PLCXD3: variants seen among roughly 807,000 people sequenced by gnomAD.
PLCXD3 encodes PI-PLC X domain-containing protein 3.
In PLCXD3, 19 loss-of-function variants were observed where a neutral mutation model predicts 25.5. The ratio of observed to expected loss-of-function variants is 0.75; its 90% confidence interval spans 0.52 to 1.09. The LOEUF (loss-of-function observed/expected upper bound fraction) is 1.09. Among genes scored for constraint, PLCXD3 ranks in the 50% least tolerant of loss-of-function variants. The probability of loss-of-function intolerance (pLI) is 0.00; values close to 1 mark genes in which losing one functional copy is unlikely to be tolerated. For missense variants in PLCXD3, 411 were observed against 388.1 expected, an observed-to-expected ratio of 1.06 and a Z score of -0.50; for synonymous variants, 174 against 137.6, an observed-to-expected ratio of 1.26 and a Z score of -1.85.
chr5:41,336,476 T>G (rs1420387408), intron 2 of PLCXD3, among the ~76,000 whole-genome samples: 1 of 152,174 alleles, frequency 6.6e-6, no homozygotes, highest in Non-Finnish European at 1.5e-5. Context: ...GTAGTTACTT[T>G]CATTTTTTCT....
At chr5:41,473,331 T>C (rs1302764507) in intron 1 of PLCXD3, among the ~76,000 whole-genome samples, 1 of 152,154 alleles carries the variant, frequency 6.6e-6, no homozygotes, top group African/African-American at 2.4e-5. Flanking sequence ...TTCTCCCTCA[T>C]ACAAAGTGAT....
rs139645066 is a variant in PLCXD3, at chr5:41,507,603, GT to G, written c.103+2820del. On this transcript the variant is annotated intron_variant, in intron 1 of 2. Transcript: ENST00000377801. The stretch of plus-strand genomic sequence containing the variant: ...GGGGAATATCACACAGTTGCACATT[GT>G]TTTTTGCTGTAACTCTGGGCAATCT... Among the ~76,000 whole-genome samples, 530 of 152,298 alleles carry G rather than the reference GT, an allele frequency of 3.5e-3. 5 individuals are homozygous for G. Among genetic ancestry groups the G allele is most frequent in the African/African-American group, 0.011 (439 of 41,552 alleles).
At chr5:41,504,748 G>T (rs1245061023) in intron 1 of PLCXD3, among the ~76,000 whole-genome samples, 2 of 152,212 alleles carry the variant, frequency 1.3e-5, no homozygotes, top group Non-Finnish European at 2.9e-5. Flanking sequence ...AAACAGGAAA[G>T]AAGGAAAATG....
intron 1 of PLCXD3, among the ~76,000 whole-genome samples, chr5:41,458,108 A>T (rs1047654102): frequency 4.0e-5 from 6 of 151,870 alleles, no homozygotes; most frequent in African/African-American, 1.4e-4. Context: ...TTTAACCTGC[A>T]TGTGTTTTCC....
intron 1 of PLCXD3, among the ~76,000 whole-genome samples, chr5:41,476,817 A>G (rs1457176520): frequency 1.3e-5 from 2 of 152,230 alleles, no homozygotes; most frequent in African/African-American, 2.4e-5. Flanking sequence ...TACAGAAAAG[A>G]AAACTGAAGT....
chr5:41,476,245 C>T (rs7714031), intron 1 of PLCXD3, among the ~76,000 whole-genome samples: 9,710 of 152,234 alleles, frequency 0.064, 359 homozygotes, highest in South Asian at 0.16. Flanking sequence ...GTTTACATAG[C>T]AGGCCTGATT....
At chr5:41,378,644 T>G (rs1353612364) in intron 2 of PLCXD3, among the ~76,000 whole-genome samples, 4 of 152,136 alleles carry the variant, frequency 2.6e-5, no homozygotes, top group Non-Finnish European at 4.4e-5. Context: ...GAACAAAATT[T>G]AAGTGCTTGG....
rs1743086112 is a variant in PLCXD3, at chr5:41,310,018, G to GTT, written c.*3598_*3599insAA. 6.6e-6 allele frequency: 1 copy of GTT among 152,034 alleles called. No individual in the cohort carries two copies. The highest frequency in any genetic ancestry group is 1.5e-5 in the Non-Finnish European group (1 of 67,988). 9.4% of individuals were successfully genotyped at this position (152,034 alleles called of 1,614,324 possible). A position where few individuals can be genotyped will look rare whatever the true frequency, so the allele number is the denominator to read the frequency against. ...TGAAATGTGCATTCTGTGTGTGTGT[G>GTT]TAATGTGTGTATGTGCACATACAGG... On this transcript the variant is annotated 3_prime_UTR_variant, in exon 3 of 3. Transcript: ENST00000377801.
At chr5:41,406,653 T>C (rs1746360293) in intron 1 of PLCXD3, among the ~76,000 whole-genome samples, 1 of 152,084 alleles carries the variant, frequency 6.6e-6, no homozygotes, top group African/African-American at 2.4e-5. Flanking sequence ...TTCTCTTCCA[T>C]TCCATTGACA....
At chr5:41,352,564 C>G (rs1216763510) in intron 2 of PLCXD3, among the ~76,000 whole-genome samples, 1 of 152,168 alleles carries the variant, frequency 6.6e-6, no homozygotes, top group Non-Finnish European at 1.5e-5. Context: ...GCCTATTTTT[C>G]TGAATGTACT....
At chr5:41,439,731 G>A (rs2150511186) in intron 1 of PLCXD3, among the ~76,000 whole-genome samples, 1 of 152,162 alleles carries the variant, frequency 6.6e-6, no homozygotes, top group South Asian at 2.1e-4. Flanking sequence ...CCTGTTATAT[G>A]CAATGAAACT....
chr5:41,327,368 G>T (rs978511666), intron 2 of PLCXD3, among the ~76,000 whole-genome samples: 1 of 151,982 alleles, frequency 6.6e-6, no homozygotes, highest in South Asian at 2.1e-4. Context: ...ATAAAGGTTT[G>T]TCCAATTAAA....
intron 1 of PLCXD3, among the ~76,000 whole-genome samples, chr5:41,507,370 C>T (rs1749070072): frequency 6.6e-6 from 1 of 152,194 alleles, no homozygotes; most frequent in Non-Finnish European, 1.5e-5. Flanking sequence ...ATTGGAGTAA[C>T]TGTCAATGTG....
Position 41,345,763 on chromosome 5 carries a change from A to T in PLCXD3, c.813-31993T>A, listed in dbSNP as rs374700342. ...TCTAACTTTACAGATCCCAACTTTA[A>T]CTCATTTAACTCATGGTTAACTCCA... On this transcript the variant is annotated intron_variant, in intron 2 of 2. Transcript: ENST00000377801. Among the ~76,000 whole-genome samples the T allele has an allele frequency of 5.3e-5, 8 of 151,484 alleles. No individual in the cohort carries two copies. In the East Asian group the frequency reaches 1.6e-3, roughly 29 times the overall value.
chr5:41,479,461 T>C (rs568741057), intron 1 of PLCXD3, among the ~76,000 whole-genome samples: 17 of 152,288 alleles, frequency 1.1e-4, no homozygotes, highest in African/African-American at 4.1e-4. Flanking sequence ...CAGAATTGTA[T>C]GCCTAAAATC....
At chr5:41,489,249 G>C (rs1748594440) in intron 1 of PLCXD3, among the ~76,000 whole-genome samples, 1 of 152,254 alleles carries the variant, frequency 6.6e-6, no homozygotes, top group South Asian at 2.1e-4. Flanking sequence ...TAGATAAGCG[G>C]CATTATTTCT....
chr5:41,401,278 G>A (rs547450385), intron 1 of PLCXD3, among the ~76,000 whole-genome samples: 75 of 151,990 alleles, frequency 4.9e-4, no homozygotes, highest in African/African-American at 1.8e-3. Context: ...AAAAGTATTT[G>A]CCTATCCCAA....
intron 1 of PLCXD3, among the ~76,000 whole-genome samples, chr5:41,434,516 C>CT (rs1747190883): frequency 6.6e-6 from 1 of 152,164 alleles, no homozygotes; most frequent in Non-Finnish European, 1.5e-5. Flanking sequence ...TACTCACACC[C>CT]CCAGGTACTT....
chr5:41,373,789 G>C (rs906858233), intron 2 of PLCXD3, among the ~76,000 whole-genome samples: 1 of 152,196 alleles, frequency 6.6e-6, no homozygotes, highest in African/African-American at 2.4e-5. Flanking sequence ...GAGACACTGA[G>C]TCTAGAAATT....
Sources: allele counts gnomAD v4.1 joint callset (sites outside exome capture counted in the v4.1 genomes callset), GRCh38; gene constraint gnomAD v4.1.1; transcripts MANE v1.5; gene names NCBI Gene and HGNC (gene_info 2026-07-23, HGNC 2026-07-21).